Variants in RBFOX3 observed in about 807,000 individuals in gnomAD.
The protein encoded by RBFOX3 is RNA binding protein fox-1 homolog 3.
RBFOX3 carries 17 observed loss-of-function variants against 48.7 expected under a neutral mutation model. That is an observed-to-expected ratio of 0.35 (90% confidence interval 0.24 to 0.52). The LOEUF (loss-of-function observed/expected upper bound fraction) is 0.52, where lower values mean the gene tolerates loss of function less well. RBFOX3 is among the 20% of genes least tolerant of loss of function. RBFOX3 has a pLI of 0.94. For missense variants in RBFOX3, 382 were observed against 497.5 expected (o/e 0.77, Z 2.21); for synonymous variants, 212 against 209.5 (o/e 1.01, Z -0.10).
At chr17:79,656,895 G>GGGAAGGAAGGAAGGAAGGAAGGAA in the RBFOX3 span, among the ~76,000 whole-genome samples, 141 of 116,396 alleles carry the variant, frequency 1.2e-3, 2 homozygotes, top group African/African-American at 4.4e-3. Flanking sequence ...GAAGGAAGGA[G>GGGAAGGAAGGAAGGAAGGAAGGAA]GGAAGGAAGG....
chr17:79,209,693 G>A (rs1179879688), intron 4 of RBFOX3, among the ~76,000 whole-genome samples: 1 of 152,192 alleles, frequency 6.6e-6, no homozygotes, highest in Admixed American at 6.5e-5. Context: ...GCTCACATGT[G>A]CTATGAAAGG....
chr17:79,226,849 C>T (rs180749207), intron 4 of RBFOX3, among the ~76,000 whole-genome samples: 6 of 152,098 alleles, frequency 3.9e-5, no homozygotes, highest in African/African-American at 1.4e-4. Context: ...AAAGAGGGAG[C>T]GTGAGGCTGG....
chr17:79,249,316 A>G lies in RBFOX3; in HGVS notation c.-73-13511T>C, dbSNP rs2148218537. Among the ~76,000 whole-genome samples, 1 of 152,056 alleles carries G rather than the reference A, an allele frequency of 6.6e-6. No individual in the cohort carries two copies. The highest frequency in any genetic ancestry group is 1.9e-4 in the East Asian group (1 of 5,158). On this transcript the variant is annotated intron_variant, in intron 3 of 14. Transcript: ENST00000693108. The surrounding 1 kb of genome is among the most constrained non-coding windows in gnomAD (Gnocchi z 4.1). ...TGAACAAAGTCAGAGTCCACTCATA[A>G]CCACCTCCCTCTGTTCCCTGTGTCT...
chr17:79,477,014 CTT>C lies in RBFOX3; in HGVS notation c.-175+5438_-175+5439del, dbSNP rs1222260666. 2.6e-5 allele frequency among the ~76,000 whole-genome samples: 4 copies of C among 151,636 alleles called. No homozygotes were observed. The highest frequency in any genetic ancestry group is 6.6e-5 in the Admixed American group (1 of 15,254). On this transcript the variant is annotated intron_variant, in intron 2 of 14. Transcript: ENST00000693108. This position sits in a 1 kb window ranked among gnomAD's most constrained non-coding sequence, Gnocchi z 4.8. ...TTGGGAGGCCTAGGTGGGTGGATCA[CTT>C]GAGGTCAGGAGTTCGAGACCAGCCT...
chr17:79,201,028 C>T (rs1490386059), intron 4 of RBFOX3, among the ~76,000 whole-genome samples: 2 of 151,974 alleles, frequency 1.3e-5, no homozygotes, highest in Non-Finnish European at 2.9e-5. Context: ...TGTGTTCTCC[C>T]CACGACTCCT....
intron 4 of RBFOX3, among the ~76,000 whole-genome samples, chr17:79,181,411 G>A (rs2146099161): frequency 6.6e-6 from 1 of 152,306 alleles, no homozygotes; most frequent in Admixed American, 6.5e-5. Context: ...GAGGGGCTGG[G>A]AACCTGACCT....
chr17:79,141,753 C>T (rs893570622), intron 4 of RBFOX3, among the ~76,000 whole-genome samples: 5 of 152,162 alleles, frequency 3.3e-5, no homozygotes, highest in Non-Finnish European at 5.9e-5. Flanking sequence ...CCTGGGCAGG[C>T]TGTGTGAGGA....
At chr17:79,341,536 G>A (rs2082089668) in intron 2 of RBFOX3, among the ~76,000 whole-genome samples, 1 of 152,204 alleles carries the variant, frequency 6.6e-6, no homozygotes, top group African/African-American at 2.4e-5. Context: ...GAAGCCAGGG[G>A]AGCTGAGGCT....
chr17:79,160,628 G>T (rs937874602), intron 4 of RBFOX3, among the ~76,000 whole-genome samples: 1 of 152,188 alleles, frequency 6.6e-6, no homozygotes, highest in Non-Finnish European at 1.5e-5. Context: ...TCTGAGAAGG[G>T]ACAGCAGGAC....
the RBFOX3 span, among the ~76,000 whole-genome samples, chr17:79,664,237 C>T: frequency 1.3e-5 from 2 of 151,026 alleles, no homozygotes; most frequent in Non-Finnish European, 2.9e-5. Flanking sequence ...TGCAGTGGCG[C>T]AATCTCAGCT....
intron 4 of RBFOX3, among the ~76,000 whole-genome samples, chr17:79,128,370 T>TC (rs1422431555): frequency 6.6e-6 from 1 of 152,036 alleles, no homozygotes; most frequent in African/African-American, 2.4e-5. Context: ...CCCACTGAGG[T>TC]CCCAGAAGCA....
chr17:79,572,200 C>T (rs2092701333), intron 1 of RBFOX3, among the ~76,000 whole-genome samples: 1 of 152,180 alleles, frequency 6.6e-6, no homozygotes, highest in Admixed American at 6.5e-5. Context: ...CACAGAGCCC[C>T]TAACACACCT....
At chr17:79,140,033 G>A (rs1363350660) in intron 4 of RBFOX3, among the ~76,000 whole-genome samples, 5 of 152,194 alleles carry the variant, frequency 3.3e-5, no homozygotes, top group African/African-American at 4.8e-5. Context: ...TCCTGGTCCC[G>A]CGGCCCTGCC....
At chr17:79,282,627 C>T (rs1194921263) in intron 3 of RBFOX3, among the ~76,000 whole-genome samples, 2 of 152,204 alleles carry the variant, frequency 1.3e-5, no homozygotes, top group Non-Finnish European at 2.9e-5. Flanking sequence ...GGCCGCTGAC[C>T]CAGAAGGGGT....
rs1372619444 is a variant in RBFOX3, at chr17:79,480,298, A to T, written c.-175+2156T>A. ...AGTTGTTTAAGGGTTTATCTCAGACATGGGCCCAGATCCACCACTCCTCTC... is the reference window on the plus strand; with the variant it reads ...AGTTGTTTAAGGGTTTATCTCAGACTTGGGCCCAGATCCACCACTCCTCTC... On this transcript the variant is annotated intron_variant, in intron 2 of 14. Transcript: ENST00000693108. The surrounding 1 kb of genome is among the most constrained non-coding windows in gnomAD (Gnocchi z 4.8). Among the ~76,000 whole-genome samples the T allele has an allele frequency of 6.6e-6, 1 of 152,100 alleles. No homozygotes were observed. Among genetic ancestry groups the T allele is most frequent in the African/African-American group, 2.4e-5 (1 of 41,406 alleles).
At chr17:79,221,120 C>T (rs1258553447) in intron 4 of RBFOX3, among the ~76,000 whole-genome samples, 3 of 152,206 alleles carry the variant, frequency 2.0e-5, no homozygotes, top group Non-Finnish European at 2.9e-5. Context: ...AAGCCGATGC[C>T]GGCTGAGCGC....
Position 79,386,026 on chromosome 17 carries a change from T to C in RBFOX3, c.-174-78202A>G, listed in dbSNP as rs60060143. Reference sequence around the variant, plus strand: ...GAGCTCCATTACTTCCTATAACAGATGGGGTTCCAACACCTCCCATTACAG... The same window carrying C: ...GAGCTCCATTACTTCCTATAACAGACGGGGTTCCAACACCTCCCATTACAG... On this transcript the variant is annotated intron_variant, in intron 2 of 14. Coordinates refer to ENST00000693108, the MANE Select transcript of RBFOX3 (RefSeq NM_001350451.2). Among the ~76,000 whole-genome samples the C allele has an allele frequency of 2.6e-3, 372 of 145,508 alleles. 1 individual carries two copies. Among genetic ancestry groups the C allele is most frequent in the African/African-American group, 9.4e-3 (361 of 38,442 alleles).
intron 2 of RBFOX3, among the ~76,000 whole-genome samples, chr17:79,458,478 C>T (rs985677242): frequency 1.0e-4 from 15 of 149,432 alleles, no homozygotes; most frequent in African/African-American, 2.5e-4. Context: ...TGTGCGTGTG[C>T]GTGAGATATG....
At chr17:79,275,749 A>G (rs111372571) in intron 3 of RBFOX3, among the ~76,000 whole-genome samples, 116 of 152,292 alleles carry the variant, frequency 7.6e-4, no homozygotes, top group African/African-American at 2.5e-3. Context: ...CAAGTGGCAC[A>G]TGGTGGGCTA....
Sources: gnomAD v4.1 joint callset for allele counts (sites outside exome capture counted in the v4.1 genomes callset) on GRCh38, gnomAD v4.1.1 for gene constraint, Gnocchi (gnomAD v3.1) non-coding constraint, MANE v1.5 for transcripts, NCBI Gene and HGNC (gene_info 2026-07-23, HGNC 2026-07-21) for gene names.